ZNF761: variants seen among roughly 807,000 people sequenced by gnomAD.
ZNF761 encodes zinc finger protein 761.
In ZNF761, 43 loss-of-function variants were observed where a neutral mutation model predicts 59.9. The observed-to-expected ratio is 0.72, with a 90% CI of 0.56 to 0.92. The LOEUF is 0.92. ZNF761 is among the 40% of genes least tolerant of loss of function. The pLI, the probability that ZNF761 is intolerant of heterozygous loss-of-function variation, is 0.00. For missense variants in ZNF761, 850 were observed against 906.1 expected (o/e 0.94, Z 0.79); for synonymous variants, 294 against 304.8 (o/e 0.96, Z 0.37).
chr19:53,437,488 G>A (rs185721113), intron 1 of ZNF761, among the ~76,000 whole-genome samples: 85 of 152,100 alleles, frequency 5.6e-4, no homozygotes, highest in Admixed American at 1.3e-3. Flanking sequence ...ATATCTTCTT[G>A]GCACACCAGG....
chr19:53,438,259 A>G (rs1286249434), intron 1 of ZNF761, among the ~76,000 whole-genome samples: 1 of 152,186 alleles, frequency 6.6e-6, no homozygotes, highest in Non-Finnish European at 1.5e-5. Context: ...TTATGACTGA[A>G]TGTGGCACCG....
chr19:53,445,701 TTAAA>T (rs960021368), intron 1 of ZNF761, among the ~76,000 whole-genome samples: 9 of 152,026 alleles, frequency 5.9e-5, no homozygotes, highest in African/African-American at 2.2e-4. Flanking sequence ...AAAAAATTTT[TTAAA>T]AAAACGTGAA....
chr19:53,442,045 G>A, intron 1 of ZNF761: 1 of 878,828 alleles, frequency 1.1e-6, no homozygotes, highest in Non-Finnish European at 1.9e-6. Flanking sequence ...TGGTTGAAGA[G>A]GAGCTGGACT....
chr19:53,448,095 G>A (rs140977069), intron 3 of ZNF761, among the ~76,000 whole-genome samples: 7,510 of 152,216 alleles, frequency 0.049, 258 homozygotes, highest in African/African-American at 0.097. Context: ...TCCACCTTCC[G>A]GGTTCAAGTG....
intron 4 of ZNF761, among the ~76,000 whole-genome samples, chr19:53,454,143 T>G (rs1160446862): frequency 6.6e-6 from 1 of 152,208 alleles, no homozygotes; most frequent in Non-Finnish European, 1.5e-5. Context: ...GGCTACATTT[T>G]GTAATCTTTT....
intron 1 of ZNF761, among the ~76,000 whole-genome samples, chr19:53,436,920 A>C (rs1158650229): frequency 6.6e-6 from 1 of 152,156 alleles, no homozygotes; most frequent in African/African-American, 2.4e-5. Flanking sequence ...TACTTCTTGA[A>C]TTCTTGGGGC....
chr19:53,450,983 ACT>A (rs2086216860), intron 4 of ZNF761, among the ~76,000 whole-genome samples: 1 of 141,010 alleles, frequency 7.1e-6, no homozygotes, highest in Non-Finnish European at 1.5e-5. Context: ...ATAGCACGAG[ACT>A]CTGTCTCAAA....
intron 4 of ZNF761, among the ~76,000 whole-genome samples, chr19:53,453,145 G>A (rs2086235388): frequency 6.6e-6 from 1 of 152,020 alleles, no homozygotes; most frequent in Admixed American, 6.6e-5. Flanking sequence ...GAGATTACAG[G>A]CACCCACCAC....
At chr19:53,435,247 A>G (rs1349984531) in intron 1 of ZNF761, among the ~76,000 whole-genome samples, 1 of 149,720 alleles carries the variant, frequency 6.7e-6, no homozygotes, top group Admixed American at 6.6e-5. Context: ...CCTGGTCACA[A>G]ATTGAGTAAC....
At position 53,455,862 on chromosome 19, in the gene ZNF761, C is replaced by T. The variant is rs753899632; in HGVS notation, c.1355C>T (p.Ser452Phe). The T allele has an allele frequency of 6.2e-7, 1 of 1,613,648 alleles. No individual in the cohort carries two copies. The highest frequency in any genetic ancestry group is 8.5e-7 in the Non-Finnish European group (1 of 1,179,864). ...GGAAAGACCTTTAGCCGGACATCATCCCTTACATGCCATCGTAGACGTCAT... is the reference window on the plus strand; with the variant it reads ...GGAAAGACCTTTAGCCGGACATCATTCCTTACATGCCATCGTAGACGTCAT... The part of the protein sequence containing the change: ...ECGKTFSRTS[S>F]LTCHRRRHTG... The change falls in exon 5 of 5, where the codon TCC becomes TTC. Residue 452 changes from serine (S) to phenylalanine (F), a missense_variant. Coordinates refer to ENST00000684525, the MANE Select transcript of ZNF761 (RefSeq NM_001289951.2).
intron 1 of ZNF761, among the ~76,000 whole-genome samples, chr19:53,436,188 G>A (rs1167451754): frequency 1.3e-5 from 2 of 152,172 alleles, no homozygotes; most frequent in Non-Finnish European, 2.9e-5. Context: ...AAATTTAACA[G>A]CAGTGGGAGT....
rs2086196352 is a variant in ZNF761, at chr19:53,449,511, G to C, written c.16-1G>C. ...TTGGTTAAAATGTGTTTTCATTTCA[G>C]GGTCTATTGACATTCAGGGATGTGG... On this transcript the variant is annotated splice_acceptor_variant, in intron 3 of 4. Coordinates refer to ENST00000684525, the MANE Select transcript of ZNF761 (RefSeq NM_001289951.2). LOFTEE classifies it high-confidence loss of function. The C allele has an allele frequency of 3.7e-6, 6 of 1,613,876 alleles. No individual in the cohort carries two copies. The highest frequency in any genetic ancestry group is 5.1e-6 in the Non-Finnish European group (6 of 1,180,014).
At chr19:53,440,646 T>C (rs112744682) in intron 1 of ZNF761, among the ~76,000 whole-genome samples, 4,345 of 152,004 alleles carry the variant, frequency 0.029, 82 homozygotes, top group Non-Finnish European at 0.039. Flanking sequence ...AAAAAATCTA[T>C]TTCTGTTATT....
intron 1 of ZNF761, chr19:53,441,880 C>G: frequency 1.3e-6 from 2 of 1,576,482 alleles, no homozygotes; most frequent in Non-Finnish European, 1.7e-6. Flanking sequence ...GGATCACCAC[C>G]ATCGAGGCAG....
At chr19:53,446,698 AG>A (rs138892450) in intron 2 of ZNF761, among the ~76,000 whole-genome samples, 30,433 of 151,812 alleles carry the variant, frequency 0.2, 3,479 homozygotes, top group Non-Finnish European at 0.26. Context: ...TCGTAGAGAC[AG>A]GGTTTCACAG....
At chr19:53,434,264 A>G (rs1428402372) in intron 1 of ZNF761, among the ~76,000 whole-genome samples, 1 of 152,030 alleles carries the variant, frequency 6.6e-6, no homozygotes, top group Non-Finnish European at 1.5e-5. Context: ...ATTTCTATGT[A>G]TTTCCTTATG....
intron 1 of ZNF761, chr19:53,444,407 T>C (rs1399324278): frequency 6.6e-6 from 1 of 152,128 alleles, no homozygotes; most frequent in Non-Finnish European, 1.5e-5. Context: ...CACTGAGATG[T>C]TTGTGTAAAG....
At chr19:53,451,367 C>A (rs746574533) in intron 4 of ZNF761, among the ~76,000 whole-genome samples, 3 of 152,080 alleles carry the variant, frequency 2.0e-5, no homozygotes, top group Non-Finnish European at 4.4e-5. Flanking sequence ...TGTGCCACCA[C>A]GCCTGGCTAA....
At chr19:53,453,724 A>G (rs555249177) in intron 4 of ZNF761, among the ~76,000 whole-genome samples, 9 of 152,120 alleles carry the variant, frequency 5.9e-5, no homozygotes, top group African/African-American at 1.9e-4. Context: ...AAAAATACAA[A>G]AATTAGCCAA....
Sources: allele counts gnomAD v4.1 joint callset (sites outside exome capture counted in the v4.1 genomes callset), GRCh38; gene constraint gnomAD v4.1.1; transcripts MANE v1.5; gene names NCBI Gene and HGNC (gene_info 2026-07-23, HGNC 2026-07-21).